The following NELL1 variants were observed in gnomAD, a reference collection of about 807,000 sequenced individuals.
The protein encoded by NELL1 is protein kinase C-binding protein NELL1.
Under a neutral mutation model 107.4 loss-of-function variants are expected in NELL1, and 76 were observed. The observed-to-expected ratio is 0.71, with a 90% CI of 0.59 to 0.86. NELL1 has a LOEUF of 0.86. NELL1 is among the 40% of genes least tolerant of loss of function. NELL1 has a pLI of 0.00. For synonymous variants in NELL1, 353 were observed against 341.2 expected (o/e 1.03, Z -0.38); for missense variants, 1,024 against 1,005.5 (o/e 1.02, Z -0.25).
intron 12 of NELL1, among the ~76,000 whole-genome samples, chr11:21,057,149 G>A (rs1346380002): frequency 6.6e-6 from 1 of 152,000 alleles, no homozygotes; most frequent in Non-Finnish European, 1.5e-5. Flanking sequence ...AGGTAAACAT[G>A]TAAATTTTAA....
At chr11:21,029,979 C>T (rs1852912780) in intron 12 of NELL1, among the ~76,000 whole-genome samples, 1 of 152,108 alleles carries the variant, frequency 6.6e-6, no homozygotes, top group Admixed American at 6.5e-5. Context: ...TCTAGAGTGA[C>T]CTGCTGAATG....
At chr11:20,947,250 C>T in intron 10 of NELL1, 86 bp from the exon 11 acceptor site, 2 of 840,448 alleles carry the variant, frequency 2.4e-6, no homozygotes, top group South Asian at 1.4e-5. Flanking sequence ...GTTATCACTG[C>T]AGGCTATTAA....
intron 12 of NELL1, among the ~76,000 whole-genome samples, chr11:21,105,510 A>G (rs865855208): frequency 2.0e-5 from 3 of 152,260 alleles, no homozygotes; most frequent in African/African-American, 4.8e-5. Flanking sequence ...TGTGGTTGAC[A>G]AAGAAAGGAG....
intron 13 of NELL1, among the ~76,000 whole-genome samples, chr11:21,190,107 C>T (rs1327376898): frequency 6.6e-6 from 1 of 151,784 alleles, no homozygotes; most frequent in East Asian, 1.9e-4. Context: ...AATCCCAGCA[C>T]TTTGGGAGGC....
At chr11:20,902,164 G>C (rs184696395) in intron 5 of NELL1, among the ~76,000 whole-genome samples, 1 of 151,920 alleles carries the variant, frequency 6.6e-6, no homozygotes, top group Admixed American at 6.6e-5. Flanking sequence ...AATACTGATG[G>C]GTTTACTGCA....
intron 13 of NELL1, among the ~76,000 whole-genome samples, chr11:21,193,584 A>G (rs963195735): frequency 2.0e-5 from 3 of 151,932 alleles, no homozygotes; most frequent in Non-Finnish European, 4.4e-5. Flanking sequence ...TTATAGAGGA[A>G]AAAAATAATT....
rs368809140 is a variant in NELL1, at chr11:21,439,366, A to G, written c.1645+68418A>G. Among the ~76,000 whole-genome samples the G allele has an allele frequency of 3.2e-4, 49 of 152,286 alleles. No individual in the cohort carries two copies. The South Asian group carries it at 9.9e-3, about 31-fold the overall frequency. ...CAGAGAACAAGGAAAATGCAGGGCC[A>G]AGAACTGGGTGAGTTGGTTCTGGGC... On this transcript the variant is annotated intron_variant, in intron 15 of 19. Coordinates refer to ENST00000357134, the MANE Select transcript of NELL1 (RefSeq NM_006157.5).
Position 21,575,066 on chromosome 11 carries a change from C to A in NELL1, c.*44C>A. ...AACGCAGAAGAATGGACGAAATGAC[C>A]ATCCAACGTGATTAAGGATAGGAAT... On this transcript the variant is annotated 3_prime_UTR_variant, in exon 20 of 20. Transcript: ENST00000357134. 3 of 1,492,586 alleles carry A rather than the reference C, an allele frequency of 2.0e-6. No individual in the cohort carries two copies. The highest frequency in any genetic ancestry group is 1.1e-5 in the South Asian group (1 of 88,524). The allele number at this position is 1,492,586 out of a possible 1,614,324, so 92.5% of individuals were successfully genotyped here.
chr11:21,109,340 T>G (rs1855051142), intron 12 of NELL1, among the ~76,000 whole-genome samples: 1 of 152,168 alleles, frequency 6.6e-6, no homozygotes, highest in Non-Finnish European at 1.5e-5. Flanking sequence ...GCTTTTAAAA[T>G]AGTTCGTCCT....
At chr11:20,691,874 T>A (rs1171561521) in intron 2 of NELL1, among the ~76,000 whole-genome samples, 1 of 152,168 alleles carries the variant, frequency 6.6e-6, no homozygotes, top group African/African-American at 2.4e-5. Flanking sequence ...AGTTCCTCCT[T>A]GTACCTCTGG....
At chr11:21,140,341 A>G (rs918471030) in intron 13 of NELL1, among the ~76,000 whole-genome samples, 5 of 152,254 alleles carry the variant, frequency 3.3e-5, no homozygotes, top group Admixed American at 2.0e-4. Flanking sequence ...AGGGAAATTA[A>G]TTATGTATAT....
intron 14 of NELL1, among the ~76,000 whole-genome samples, chr11:21,297,225 A>G (rs1338577821): frequency 2.0e-5 from 3 of 152,002 alleles, no homozygotes; most frequent in Non-Finnish European, 2.9e-5. Context: ...ATGCAAAGGA[A>G]TTTAAGACAA....
chr11:21,506,252 C>A (rs1398773561), intron 15 of NELL1, among the ~76,000 whole-genome samples: 3 of 152,094 alleles, frequency 2.0e-5, no homozygotes, highest in Non-Finnish European at 2.9e-5. Flanking sequence ...TTAAGACAAC[C>A]GATCTTGGTG....
intron 15 of NELL1, among the ~76,000 whole-genome samples, chr11:21,422,062 A>G (rs1309902198): frequency 2.0e-5 from 3 of 151,036 alleles, no homozygotes; most frequent in South Asian, 2.1e-4. Context: ...ACCAACCTTC[A>G]TAAGTGAGGA....
chr11:21,193,030 G>C (rs938755410), intron 13 of NELL1, among the ~76,000 whole-genome samples: 1 of 151,820 alleles, frequency 6.6e-6, no homozygotes, highest in Non-Finnish European at 1.5e-5. Flanking sequence ...TGGTTAAAAT[G>C]ACTGTGACTC....
At chr11:21,371,624 C>T (rs1298910317) in intron 15 of NELL1, among the ~76,000 whole-genome samples, 1 of 152,008 alleles carries the variant, frequency 6.6e-6, no homozygotes, top group Non-Finnish European at 1.5e-5. Context: ...TGTGTCAGTG[C>T]AAACAAGGGG....
chr11:20,926,628 G>A (rs960206595), intron 7 of NELL1, among the ~76,000 whole-genome samples: 2 of 152,132 alleles, frequency 1.3e-5, no homozygotes. Flanking sequence ...TTTCCAGCAG[G>A]AGAGTCTAAG....
intron 14 of NELL1, among the ~76,000 whole-genome samples, chr11:21,338,958 C>T (rs533186131): frequency 1.3e-5 from 2 of 152,274 alleles, no homozygotes; most frequent in African/African-American, 4.8e-5. Flanking sequence ...TTAAGAGCCA[C>T]TAATCTCATT....
chr11:20,697,115 A>G (rs951525888), intron 2 of NELL1, among the ~76,000 whole-genome samples: 1 of 152,208 alleles, frequency 6.6e-6, no homozygotes, highest in Non-Finnish European at 1.5e-5. Flanking sequence ...GCAACAAATT[A>G]GCGATGGTGC....
Sources: gnomAD v4.1 joint callset for allele counts (sites outside exome capture counted in the v4.1 genomes callset) on GRCh38, gnomAD v4.1.1 for gene constraint, MANE v1.5 for transcripts, NCBI Gene and HGNC (gene_info 2026-07-23, HGNC 2026-07-21) for gene names.